The following HMG20A variants were observed in gnomAD, a reference collection of about 807,000 sequenced individuals.
HMG20A encodes high mobility group protein 20A.
A neutral mutation model predicts 43.9 loss-of-function variants in HMG20A; 17 were observed. The observed-to-expected ratio is 0.39, with a 90% confidence interval of 0.27 to 0.58. The LOEUF (loss-of-function observed/expected upper bound fraction) is 0.58, where lower values mean the gene tolerates loss of function less well. Among genes scored for constraint, HMG20A ranks in the 20% least tolerant of loss-of-function variants. The pLI, the probability that HMG20A is intolerant of heterozygous loss-of-function variation, is 0.59. For missense variants in HMG20A, 341 were observed against 438.2 expected (o/e 0.78, Z 1.98); for synonymous variants, 132 against 147.5 (o/e 0.89, Z 0.76).
intron 1 of HMG20A, among the ~76,000 whole-genome samples, chr15:77,450,807 G>A (rs888825420): frequency 2.2e-4 from 34 of 152,140 alleles, no homozygotes; most frequent in Admixed American, 2.1e-3. Context: ...TTTGTATTTT[G>A]TATTTTCATA....
chr15:77,426,222 G>T (rs1165128732), intron 1 of HMG20A, among the ~76,000 whole-genome samples: 2 of 152,174 alleles, frequency 1.3e-5, no homozygotes, highest in Admixed American at 6.5e-5. Flanking sequence ...CTAATATACA[G>T]TTGACACCTG....
In HMG20A at chr15:77,464,305, T is replaced by C; in HGVS notation, c.155T>C (p.Val52Ala). ...TCATCCACCAACAATCCAGAATTTG[T>C]GGAGGATCTCTCTCAAGGTCAGTTG... ...ATSSTNNPEF[V>A]EDLSQGQLLQ... Residue 52 changes from valine to alanine, a missense_variant, in exon 3 of 10, where the codon GTG becomes GCG. This residue lies in a region of HMG20A where 220 missense variants were observed against 263.6 expected (regional missense o/e 0.83). Coordinates refer to ENST00000336216, the MANE Select transcript of HMG20A (RefSeq NM_001304504.2). 1 of 1,613,892 alleles carries C rather than the reference T, an allele frequency of 6.2e-7. No homozygotes were observed. Among genetic ancestry groups the C allele is most frequent in the Non-Finnish European group, 8.5e-7 (1 of 1,179,834 alleles).
At chr15:77,469,408 A>G (rs1378510496) in intron 4 of HMG20A, among the ~76,000 whole-genome samples, 1 of 151,786 alleles carries the variant, frequency 6.6e-6, no homozygotes, top group Non-Finnish European at 1.5e-5. Context: ...TAATCTAAGC[A>G]AGATCTTGGC....
the HMG20A span, among the ~76,000 whole-genome samples, chr15:77,501,786 C>T: frequency 2.6e-5 from 4 of 152,190 alleles, no homozygotes; most frequent in African/African-American, 9.7e-5. Flanking sequence ...CGAAGGATCC[C>T]CTTCTTGGGA....
downstream of HMG20A, among the ~76,000 whole-genome samples, chr15:77,488,652 T>C (rs923645258): frequency 1.3e-5 from 2 of 152,150 alleles, no homozygotes; most frequent in Admixed American, 6.5e-5. Flanking sequence ...CTGGTAGAGG[T>C]TGAGGTAGCT....
At chr15:77,472,567 C>G in intron 6 of HMG20A, among the ~76,000 whole-genome samples, 1 of 152,234 alleles carries the variant, frequency 6.6e-6, no homozygotes, top group Non-Finnish European at 1.5e-5. Flanking sequence ...AGCCACCACG[C>G]CCGGCCCAGT....
chr15:77,508,201 C>T, the HMG20A span, among the ~76,000 whole-genome samples: 7 of 152,258 alleles, frequency 4.6e-5, no homozygotes, highest in Non-Finnish European at 1.0e-4. Context: ...CCTGAACCGT[C>T]CAGCTAAGTC....
In HMG20A at chr15:77,475,128, A is replaced by G. The variant is rs144650120; in HGVS notation, c.616-2427A>G. On this transcript the variant is annotated intron_variant, in intron 6 of 9. Coordinates refer to ENST00000336216, the MANE Select transcript of HMG20A (RefSeq NM_001304504.2). ...AATTAGACCCTTTCAGTGAAAGGGT[A>G]ATCAGATCCTTATGATTTTAATCCT... Among the ~76,000 whole-genome samples the G allele has an allele frequency of 3.3e-5, 5 of 152,288 alleles. No homozygotes were observed. The East Asian group carries it at 7.7e-4, about 23-fold the overall frequency.
the HMG20A span, among the ~76,000 whole-genome samples, chr15:77,498,902 G>T: frequency 6.6e-6 from 1 of 152,170 alleles, no homozygotes. Flanking sequence ...TAATCAGTCT[G>T]AATCTTCACC....
chr15:77,441,373 A>AT (rs895045364), intron 1 of HMG20A, among the ~76,000 whole-genome samples: 2 of 152,184 alleles, frequency 1.3e-5, no homozygotes, highest in African/African-American at 4.8e-5. Flanking sequence ...TATGGTTGTG[A>AT]TTTTATATTG....
intron 4 of HMG20A, among the ~76,000 whole-genome samples, chr15:77,469,419 TTACTG>T (rs1175763061): frequency 2.6e-5 from 4 of 151,936 alleles, no homozygotes; most frequent in Non-Finnish European, 5.9e-5. Context: ...AGATCTTGGC[TTACTG>T]CAACCTTGAC....
chr15:77,489,762 C>T (rs1262823208), downstream of HMG20A, among the ~76,000 whole-genome samples: 1 of 152,178 alleles, frequency 6.6e-6, no homozygotes, highest in Non-Finnish European at 1.5e-5. Flanking sequence ...AGGCTGAAAT[C>T]CTGAGGCAGG....
At chr15:77,518,004 G>C in the HMG20A span, among the ~76,000 whole-genome samples, 579 of 94,144 alleles carry the variant, frequency 6.2e-3, 4 homozygotes, top group Admixed American at 0.011. Context: ...GTCATTAGCA[G>C]ATGTTAAAAA....
intron 1 of HMG20A, among the ~76,000 whole-genome samples, chr15:77,454,938 G>A (rs1341016815): frequency 6.6e-6 from 1 of 151,990 alleles, no homozygotes; most frequent in Non-Finnish European, 1.5e-5. Context: ...GCTGTAATAT[G>A]GAAAATGAGG....
intron 6 of HMG20A, among the ~76,000 whole-genome samples, chr15:77,476,137 T>G (rs2072852737): frequency 1.3e-5 from 2 of 152,170 alleles, no homozygotes; most frequent in African/African-American, 4.8e-5. Context: ...AGCTGTGAAC[T>G]GCTTAGCTTT....
At chr15:77,467,019 T>C in intron 3 of HMG20A, 76 bp from the exon 4 acceptor site, 1 of 1,225,034 alleles carries the variant, frequency 8.2e-7, no homozygotes, top group Non-Finnish European at 1.2e-6. Flanking sequence ...TTGTTGTTTG[T>C]TTTTGTTGTT....
At chr15:77,471,572 G>GT (rs1184794707) in intron 5 of HMG20A, among the ~76,000 whole-genome samples, 4 of 152,140 alleles carry the variant, frequency 2.6e-5, no homozygotes, top group African/African-American at 9.7e-5. Flanking sequence ...TGTGTCTGCT[G>GT]TTTCTCTTAT....
At chr15:77,453,396 A>G (rs1567398620) in intron 1 of HMG20A, among the ~76,000 whole-genome samples, 1 of 152,306 alleles carries the variant, frequency 6.6e-6, no homozygotes, top group South Asian at 2.1e-4. Flanking sequence ...CTTCACATCT[A>G]CTAGGATGGC....
chr15:77,454,671 A>G (rs1595921683), intron 1 of HMG20A, among the ~76,000 whole-genome samples: 1 of 152,272 alleles, frequency 6.6e-6, no homozygotes, highest in East Asian at 1.9e-4. Context: ...ATCTACTTCT[A>G]GTGTATAGAA....
Sources: gnomAD v4.1 joint callset for allele counts (sites outside exome capture counted in the v4.1 genomes callset) on GRCh38, gnomAD v4.1.1 for gene constraint, gnomAD v4.1.1 regional missense constraint, MANE v1.5 for transcripts, NCBI Gene and HGNC (gene_info 2026-07-23, HGNC 2026-07-21) for gene names.